Variants in QTGAL observed in about 807,000 individuals in gnomAD.
QTGAL encodes the protein queuosine-tRNA galactosyltransferase.
the QTGAL span, among the ~76,000 whole-genome samples, chr17:82,964,192 G>T: frequency 6.8e-6 from 1 of 146,486 alleles, no homozygotes; most frequent in Non-Finnish European, 1.5e-5. Context: ...GAACCTGGGA[G>T]GCAGAGGTTG....
chr17:83,017,789 C>T, the QTGAL span, among the ~76,000 whole-genome samples: 1 of 152,024 alleles, frequency 6.6e-6, no homozygotes, highest in African/African-American at 2.4e-5. Flanking sequence ...TCAGGTACCG[C>T]ACGTGCTCCA....
At chr17:82,964,030 G>GC in the QTGAL span, among the ~76,000 whole-genome samples, 5 of 134,694 alleles carry the variant, frequency 3.7e-5, no homozygotes, top group African/African-American at 5.7e-5. Flanking sequence ...GCTGAGGTCG[G>GC]GGGGGTGGAT....
At chr17:83,028,539 GA>G in the QTGAL span, among the ~76,000 whole-genome samples, 10 of 133,490 alleles carry the variant, frequency 7.5e-5, no homozygotes, top group African/African-American at 2.8e-4. Flanking sequence ...AAAAAAAAAA[GA>G]AAAAAAAAGA....
At chr17:82,947,145 G>A in the QTGAL span, 1 of 591,044 alleles carries the variant, frequency 1.7e-6, no homozygotes, top group East Asian at 3.0e-5. Context: ...AAAGGCCAGA[G>A]AGGGCAGCAG....
the QTGAL span, chr17:82,961,133 C>T: frequency 1.4e-5 from 22 of 1,607,844 alleles, no homozygotes; most frequent in East Asian, 3.1e-4. Context: ...ATGACGCCGC[C>T]GCCCTTCCTG....
chr17:83,050,823 G>A, the QTGAL span, among the ~76,000 whole-genome samples: 2 of 151,660 alleles, frequency 1.3e-5, no homozygotes, highest in Admixed American at 1.3e-4. Context: ...TGTGCAGGTA[G>A]GTGTGTGGGA....
chr17:83,041,076 A>G, the QTGAL span, among the ~76,000 whole-genome samples: 4 of 97,388 alleles, frequency 4.1e-5, no homozygotes, highest in South Asian at 1.2e-3. Context: ...AAAAAAAAAA[A>G]AAAAAAATGG....
chr17:83,005,814 G>A, the QTGAL span: 43 of 1,186,726 alleles, frequency 3.6e-5, 1 homozygote, highest in South Asian at 6.2e-4. The surrounding 1 kb of genome is among the most constrained non-coding windows in gnomAD (Gnocchi z 5.6). Context: ...GAGCCTCAGA[G>A]CATCACCTGC....
chr17:82,977,650 C>T, the QTGAL span, among the ~76,000 whole-genome samples: 1 of 152,114 alleles, frequency 6.6e-6, no homozygotes, highest in African/African-American at 2.4e-5. Flanking sequence ...CGTGAAAGAG[C>T]TGGACCACTC....
chr17:82,996,891 C>A, the QTGAL span, among the ~76,000 whole-genome samples: 1 of 152,140 alleles, frequency 6.6e-6, no homozygotes, highest in East Asian at 1.9e-4. Flanking sequence ...ATGCAAAAAT[C>A]AAATCAAAAT....
the QTGAL span, among the ~76,000 whole-genome samples, chr17:82,962,907 TCTCCC>T: frequency 2.3e-5 from 1 of 42,886 alleles, no homozygotes; most frequent in African/African-American, 7.8e-5. Flanking sequence ...GTCCCATTTT[TCTCCC>T]CTCCCCTGAT....
chr17:82,975,147 G>A, the QTGAL span, among the ~76,000 whole-genome samples: 1 of 57,834 alleles, frequency 1.7e-5, no homozygotes, highest in African/African-American at 1.1e-4. Flanking sequence ...GGGGCCGGAG[G>A]CCACTTATGG....
At chr17:83,030,312 G>A in the QTGAL span, among the ~76,000 whole-genome samples, 1 of 152,192 alleles carries the variant, frequency 6.6e-6, no homozygotes, top group African/African-American at 2.4e-5. Context: ...CCAGCTCAAG[G>A]GTTAGGAACA....
At chr17:82,995,020 G>C in the QTGAL span, among the ~76,000 whole-genome samples, 1 of 152,186 alleles carries the variant, frequency 6.6e-6, no homozygotes, top group Non-Finnish European at 1.5e-5. Flanking sequence ...AAAAAGCAAG[G>C]TATAGAAGGA....
chr17:82,977,904 G>A, the QTGAL span, among the ~76,000 whole-genome samples: 1 of 152,138 alleles, frequency 6.6e-6, no homozygotes, highest in Non-Finnish European at 1.5e-5. Flanking sequence ...GGGGTTTGGT[G>A]CCCAGCATTT....
the QTGAL span, chr17:83,051,604 C>A: frequency 1.1e-6 from 1 of 937,522 alleles, no homozygotes; most frequent in Non-Finnish European, 1.5e-6. Flanking sequence ...CTGCTCAGGG[C>A]GGAGACCCCG....
At chr17:83,037,122 C>G in the QTGAL span, among the ~76,000 whole-genome samples, 5 of 152,330 alleles carry the variant, frequency 3.3e-5, no homozygotes, top group East Asian at 9.7e-4. The surrounding 1 kb of genome is among the most constrained non-coding windows in gnomAD (Gnocchi z 5.2). Flanking sequence ...CAATAGATCT[C>G]TCTGGTATCC....
chr17:82,981,532 G>C, the QTGAL span: 7 of 152,200 alleles, frequency 4.6e-5, no homozygotes, highest in Non-Finnish European at 1.0e-4. Flanking sequence ...TCATGCTCCT[G>C]GAATCTGTGA....
the QTGAL span, among the ~76,000 whole-genome samples, chr17:82,996,780 G>A: frequency 1.3e-5 from 2 of 152,162 alleles, no homozygotes; most frequent in African/African-American, 4.8e-5. Flanking sequence ...AACATGCCAA[G>A]AACTTACATT....
Sources: gnomAD v4.1 joint callset for allele counts (sites outside exome capture counted in the v4.1 genomes callset) on GRCh38, gnomAD v4.1.1 for gene constraint, Gnocchi (gnomAD v3.1) non-coding constraint, MANE v1.5 for transcripts, NCBI Gene and HGNC (gene_info 2026-07-23, HGNC 2026-07-21) for gene names.